The following PCDH9 variants were observed in gnomAD, a reference collection of about 807,000 sequenced individuals.
PCDH9 encodes protocadherin 9.
In PCDH9, 24 loss-of-function variants were observed where a neutral mutation model predicts 70.6. That is an observed-to-expected ratio of 0.34 (90% confidence interval 0.25 to 0.48). PCDH9 has a LOEUF of 0.48. Ranked by LOEUF, PCDH9 falls within the 20% of genes least tolerant of loss-of-function variation. PCDH9 has a pLI of 0.99. For missense variants in PCDH9, 1,281 were observed against 1,503.6 expected (o/e 0.85, Z 2.45); for synonymous variants, 562 against 558.5 (o/e 1.01, Z -0.09).
At chr13:66,664,807 G>A (rs1481577966) in intron 3 of PCDH9, among the ~76,000 whole-genome samples, 2 of 151,754 alleles carry the variant, frequency 1.3e-5, no homozygotes, top group Admixed American at 1.3e-4. Flanking sequence ...CTTTTGTTTA[G>A]GCACTTACAC....
intron 2 of PCDH9, among the ~76,000 whole-genome samples, chr13:66,987,125 T>C (rs963625991): frequency 6.6e-6 from 1 of 152,082 alleles, no homozygotes; most frequent in African/African-American, 2.4e-5. Context: ...AATATGTATG[T>C]TCTTATAATT....
Position 67,026,366 on chromosome 13 carries a change from C to A in PCDH9, c.3037-122761G>T, listed in dbSNP as rs531166392. Among the ~76,000 whole-genome samples the A allele has an allele frequency of 2.6e-5, 4 of 152,206 alleles. No individual in the cohort carries two copies. The South Asian group carries it at 8.3e-4, about 32-fold the overall frequency. On this transcript the variant is annotated intron_variant, in intron 2 of 4. Transcript: ENST00000377865. ...AGGATGATGACAAAATTCAACAACC[C>A]TTCATGCTAAGAACTCTTAATAAAT...
At chr13:66,694,833 G>A (rs1236179641) in intron 3 of PCDH9, among the ~76,000 whole-genome samples, 1 of 151,524 alleles carries the variant, frequency 6.6e-6, no homozygotes, top group African/African-American at 2.4e-5. Context: ...GCACATTTCA[G>A]GTCCTCAACA....
Position 67,228,581 on chromosome 13 carries a change from A to G in PCDH9, c.-135-6T>C. 1 of 597,352 alleles carries G rather than the reference A, an allele frequency of 1.7e-6. No individual in the cohort carries two copies. The highest frequency in any genetic ancestry group is 3.0e-5 in the East Asian group (1 of 33,658). 37.0% of individuals were successfully genotyped at this position (597,352 alleles called of 1,614,324 possible). A position where few individuals can be genotyped will look rare whatever the true frequency, so the allele number is the denominator to read the frequency against. On this transcript the variant is annotated splice_polypyrimidine_tract_variant and splice_region_variant and intron_variant, in intron 1 of 4. Transcript: ENST00000377865. ...CACTTATTTGGAGACAGCCGCTGTC[A>G]ACACAATTGTATAGACAATATTATT...
intron 2 of PCDH9, among the ~76,000 whole-genome samples, chr13:67,104,864 A>G (rs1265501747): frequency 6.6e-6 from 1 of 152,152 alleles, no homozygotes; most frequent in African/African-American, 2.4e-5. Context: ...AATGGTTTTA[A>G]CCTGTAGGAT....
rs563142894 is a variant in PCDH9, at chr13:66,814,127, G to A, written c.3138+89377C>T. 7.2e-5 allele frequency among the ~76,000 whole-genome samples: 11 copies of A among 152,190 alleles called. No homozygotes were observed. In the East Asian group the frequency reaches 1.4e-3, roughly 19 times the overall value. ...CTATTAGCATCTGAAAAGTCAACAC[G>A]TAATATTTTATGGAGGTACTTAACG... On this transcript the variant is annotated intron_variant, in intron 3 of 4. Coordinates refer to ENST00000377865, the MANE Select transcript of PCDH9 (RefSeq NM_203487.3).
At chr13:66,421,672 TGGAAAG>T (rs1176226962) in intron 4 of PCDH9, among the ~76,000 whole-genome samples, 1 of 151,714 alleles carries the variant, frequency 6.6e-6, no homozygotes, top group Non-Finnish European at 1.5e-5. Context: ...GCACTAAATA[TGGAAAG>T]GAAAAACCGG....
intron 4 of PCDH9, among the ~76,000 whole-genome samples, chr13:66,551,328 T>A (rs1206390902): frequency 6.6e-6 from 1 of 152,146 alleles, no homozygotes. Context: ...AGATACGGAA[T>A]ATGATTCATA....
At chr13:67,119,159 T>C (rs545872754) in intron 2 of PCDH9, among the ~76,000 whole-genome samples, 207 of 152,256 alleles carry the variant, frequency 1.4e-3, no homozygotes, top group Non-Finnish European at 2.5e-3. Flanking sequence ...AGCCTTACAA[T>C]GTTTAGAAGT....
chr13:66,469,700 G>A (rs959879050), intron 4 of PCDH9, among the ~76,000 whole-genome samples: 24 of 152,126 alleles, frequency 1.6e-4, no homozygotes, highest in Non-Finnish European at 3.2e-4. Flanking sequence ...GCGTGAAAAT[G>A]TGTCAATTCT....
intron 3 of PCDH9, among the ~76,000 whole-genome samples, chr13:66,895,784 T>C (rs2082168150): frequency 6.6e-6 from 1 of 152,252 alleles, no homozygotes; most frequent in African/African-American, 2.4e-5. Flanking sequence ...ACCTGTTTTG[T>C]ACTCTACATT....
In PCDH9 at chr13:66,946,821, T is replaced by A. The variant is rs541599553; in HGVS notation, c.3037-43216A>T. ...AGGTATAATATATAGTTAATATAATTTTTTCAAGAATAGCCCAAAAAATAT... is the reference window on the plus strand; with the variant it reads ...AGGTATAATATATAGTTAATATAATATTTTCAAGAATAGCCCAAAAAATAT... On this transcript the variant is annotated intron_variant, in intron 2 of 4. Coordinates refer to ENST00000377865, the MANE Select transcript of PCDH9 (RefSeq NM_203487.3). 8.5e-5 allele frequency among the ~76,000 whole-genome samples: 13 copies of A among 152,210 alleles called. No homozygotes were observed. The East Asian group carries it at 2.5e-3, about 29-fold the overall frequency.
chr13:66,522,265 T>G (rs2138612044), intron 4 of PCDH9, among the ~76,000 whole-genome samples: 1 of 151,880 alleles, frequency 6.6e-6, no homozygotes, highest in African/African-American at 2.4e-5. Context: ...AAATAATACA[T>G]GACTGGGAAC....
chr13:67,030,047 T>G (rs187607652), intron 2 of PCDH9, among the ~76,000 whole-genome samples: 1 of 152,264 alleles, frequency 6.6e-6, no homozygotes, highest in African/African-American at 2.4e-5. Flanking sequence ...TGAAGATATG[T>G]CTCATGCATA....
chr13:66,730,514 C>T (rs995318904), intron 3 of PCDH9, among the ~76,000 whole-genome samples: 6 of 152,026 alleles, frequency 3.9e-5, no homozygotes, highest in Non-Finnish European at 8.8e-5. Context: ...TTAATATAGA[C>T]TCCCAGGGCA....
At chr13:66,646,827 C>T (rs991179534) in intron 3 of PCDH9, among the ~76,000 whole-genome samples, 5 of 152,236 alleles carry the variant, frequency 3.3e-5, no homozygotes, top group African/African-American at 1.2e-4. Flanking sequence ...TCTTGAATTG[C>T]CAACACCACC....
At chr13:66,317,122 A>G (rs1339869699) in intron 4 of PCDH9, among the ~76,000 whole-genome samples, 1 of 152,162 alleles carries the variant, frequency 6.6e-6, no homozygotes, top group Non-Finnish European at 1.5e-5. Flanking sequence ...GCACCATGAA[A>G]TCACACACTT....
chr13:66,568,333 C>T (rs2076681423), intron 4 of PCDH9, among the ~76,000 whole-genome samples: 1 of 151,984 alleles, frequency 6.6e-6, no homozygotes. Flanking sequence ...TCATCTAAGT[C>T]ATCCAGTAGT....
At chr13:67,040,762 A>G (rs2085098139) in intron 2 of PCDH9, among the ~76,000 whole-genome samples, 1 of 152,202 alleles carries the variant, frequency 6.6e-6, no homozygotes, top group Non-Finnish European at 1.5e-5. Context: ...GAAATATTTA[A>G]TAACTTTTGC....
Sources: gnomAD v4.1 joint callset for allele counts (sites outside exome capture counted in the v4.1 genomes callset) on GRCh38, gnomAD v4.1.1 for gene constraint, MANE v1.5 for transcripts, NCBI Gene and HGNC (gene_info 2026-07-23, HGNC 2026-07-21) for gene names.